MCF2L: variants seen among roughly 807,000 people sequenced by gnomAD.
MCF2L encodes the protein MCF.2 cell line derived transforming sequence like.
In MCF2L, 97 loss-of-function variants were observed where a neutral mutation model predicts 153.4. The ratio of observed to expected loss-of-function variants is 0.63; its 90% CI spans 0.54 to 0.75. The LOEUF (loss-of-function observed/expected upper bound fraction) is 0.75. MCF2L is among the 30% of genes least tolerant of loss of function. MCF2L has a pLI of 0.00. For synonymous variants in MCF2L, 659 were observed against 632.2 expected (o/e 1.04, Z -0.64); for missense variants, 1,347 against 1,495.2 (o/e 0.90, Z 1.64).
chr13:112,960,274 G>A lies in MCF2L; in HGVS notation c.170-54489G>A, dbSNP rs1033454956. On this transcript the variant is annotated intron_variant, in intron 2 of 29. Transcript: ENST00000375608. This position sits in a 1 kb window ranked among gnomAD's most constrained non-coding sequence, Gnocchi z 4.2. ...AGACGGCCTCACCCGGTGAGAGAGC[G>A]GAGAGACCGAGAGGGGGCCAAGCGC... Among the ~76,000 whole-genome samples the A allele has an allele frequency of 6.6e-6, 1 of 152,146 alleles. No individual in the cohort carries two copies. Among genetic ancestry groups the A allele is most frequent in the East Asian group, 1.9e-4 (1 of 5,172 alleles).
chr13:112,968,722 G>C (rs1450970915), upstream of MCF2L: 1 of 1,392,934 alleles, frequency 7.2e-7, no homozygotes, highest in African/African-American at 1.5e-5. Flanking sequence ...GAGGTAAAGG[G>C]AGGCGGCGGC....
chr13:113,085,514 G>A (rs1478526966), intron 20 of MCF2L, among the ~76,000 whole-genome samples: 2 of 152,226 alleles, frequency 1.3e-5, no homozygotes, highest in Non-Finnish European at 2.9e-5. Context: ...GCCTAGACTG[G>A]GGATTCCAGC....
Position 112,903,774 on chromosome 13 carries a change from T to C in MCF2L, c.169+1403T>C, listed in dbSNP as rs916928097. Among the ~76,000 whole-genome samples, 4 of 152,144 alleles carry C rather than the reference T, an allele frequency of 2.6e-5. No individual in the cohort carries two copies. In the South Asian group the frequency reaches 8.3e-4, roughly 32 times the overall value. ...CTCTCACGGACTGAGAACCAGGTGCTCTCATTATTCCCTGGCACACCGCCT... is the reference window on the plus strand; with the variant it reads ...CTCTCACGGACTGAGAACCAGGTGCCCTCATTATTCCCTGGCACACCGCCT... On this transcript the variant is annotated intron_variant, in intron 2 of 29. Transcript: ENST00000375608.
chr13:113,047,842 C>CAGAG (rs1436798916), intron 4 of MCF2L, among the ~76,000 whole-genome samples: 19 of 95,210 alleles, frequency 2.0e-4, no homozygotes, highest in East Asian at 5.0e-4. Context: ...GTGCCCTGTC[C>CAGAG]CCTCTGCTCA....
In MCF2L at chr13:113,074,637, G is replaced by C; in HGVS notation, c.1116+74G>C. 6.3e-7 allele frequency: 1 copy of C among 1,584,020 alleles called. No individual in the cohort carries two copies. Among genetic ancestry groups the C allele is most frequent in the Non-Finnish European group, 8.6e-7 (1 of 1,158,218 alleles). On this transcript the variant is annotated intron_variant, in intron 10 of 29. Transcript: ENST00000535094. This position sits in a 1 kb window ranked among gnomAD's most constrained non-coding sequence, Gnocchi z 4.2. ...TCAAGTGCTGCTCAGGAAGGCGCAG[G>C]AATGGGCCTCCCGCCTACGGAGAAC...
chr13:113,020,064 G>T (rs188592876), intron 2 of MCF2L, among the ~76,000 whole-genome samples: 1 of 152,240 alleles, frequency 6.6e-6, no homozygotes, highest in Non-Finnish European at 1.5e-5. Flanking sequence ...TAGGAGTTCC[G>T]TGTGGCTAAG....
chr13:113,045,247 G>C lies in MCF2L; in HGVS notation c.279-24G>C. 1.3e-6 allele frequency: 2 copies of C among 1,593,264 alleles called. No individual in the cohort carries two copies. Among genetic ancestry groups the C allele is most frequent in the Middle Eastern group, 1.7e-4 (1 of 6,028 alleles). Reference sequence around the variant, plus strand: ...CGGCTTCCCACCTGCACACATTAACGGCGGCGTCTCTTCCTCACTGCAGCC... The same window carrying C: ...CGGCTTCCCACCTGCACACATTAACCGCGGCGTCTCTTCCTCACTGCAGCC... On this transcript the variant is annotated intron_variant, in intron 3 of 29. Coordinates refer to ENST00000535094, the MANE Select transcript of MCF2L (RefSeq NM_001112732.3). The surrounding 1 kb of genome is among the most constrained non-coding windows in gnomAD (Gnocchi z 4.2).
intron 4 of MCF2L, among the ~76,000 whole-genome samples, chr13:113,049,260 T>C (rs374234844): frequency 2.4e-4 from 35 of 146,558 alleles, no homozygotes; most frequent in African/African-American, 8.9e-4. Flanking sequence ...GGGTCACTGG[T>C]CAAGGGAGTG....
At chr13:112,922,426 TCCC>T (rs2081361879) in intron 2 of MCF2L, among the ~76,000 whole-genome samples, 2 of 152,012 alleles carry the variant, frequency 1.3e-5, no homozygotes, top group Non-Finnish European at 2.9e-5. Flanking sequence ...TCAACATTGA[TCCC>T]CAAACCTGGC....
intron 2 of MCF2L, chr13:112,910,244 A>G (rs966584063): frequency 4.6e-5 from 7 of 152,256 alleles, no homozygotes; most frequent in African/African-American, 1.7e-4. Flanking sequence ...GCCAGTCCTT[A>G]TCGATATACT....
chr13:112,916,249 TTC>T (rs2081291227), intron 2 of MCF2L, among the ~76,000 whole-genome samples: 1 of 149,428 alleles, frequency 6.7e-6, no homozygotes, highest in African/African-American at 2.6e-5. Flanking sequence ...TATTTGTCCC[TTC>T]TCTCTTTTTC....
rs113160745 is a variant in MCF2L at position 113,014,541 on chromosome 13, T to C, written c.80-222T>C. Among the ~76,000 whole-genome samples, 215 of 152,316 alleles carry C rather than the reference T, an allele frequency of 1.4e-3. 2 individuals carry two copies. The highest frequency in any genetic ancestry group is 4.6e-3 in the African/African-American group (192 of 41,560). Reference sequence around the variant, plus strand: ...AGTCCCTCTCTCTGAACCTCTTATATCACACTTTCAAAATTGATGGTGAAT... The same window carrying C: ...AGTCCCTCTCTCTGAACCTCTTATACCACACTTTCAAAATTGATGGTGAAT... On this transcript the variant is annotated intron_variant, in intron 1 of 29. Transcript: ENST00000535094.
intron 1 of MCF2L, among the ~76,000 whole-genome samples, chr13:112,994,454 G>A (rs1435286964): frequency 2.0e-5 from 3 of 152,246 alleles, no homozygotes; most frequent in South Asian, 2.1e-4. Flanking sequence ...GGAGGCTGTC[G>A]GTGGGGCAGT....
chr13:112,938,799 C>G, intron 2 of MCF2L, among the ~76,000 whole-genome samples: 1 of 152,152 alleles, frequency 6.6e-6, no homozygotes, highest in South Asian at 2.1e-4. Flanking sequence ...CTCCCACAAC[C>G]ACCGAGGCAG....
At chr13:112,991,247 G>A (rs554870024) in intron 1 of MCF2L, among the ~76,000 whole-genome samples, 2 of 152,090 alleles carry the variant, frequency 1.3e-5, no homozygotes, top group Admixed American at 1.3e-4. Context: ...GACCTGATTC[G>A]CTGTGTTTTG....
intron 2 of MCF2L, among the ~76,000 whole-genome samples, chr13:112,912,717 C>T (rs942283863): frequency 6.6e-5 from 10 of 152,024 alleles, no homozygotes; most frequent in African/African-American, 2.4e-4. Context: ...TATTTTATAT[C>T]CTTCTTTTCT....
chr13:112,973,771 C>T (rs930069836), intron 1 of MCF2L, among the ~76,000 whole-genome samples: 3 of 152,324 alleles, frequency 2.0e-5, no homozygotes, highest in South Asian at 2.1e-4. Context: ...CAGGGAGACC[C>T]GTGGCTCCAG....
intron 2 of MCF2L, among the ~76,000 whole-genome samples, chr13:112,936,252 C>A (rs1227803144): frequency 7.0e-6 from 1 of 142,410 alleles, no homozygotes; most frequent in African/African-American, 2.6e-5. Context: ...TGCACTCCAG[C>A]CTGGGCAACA....
At chr13:112,973,395 T>TA (rs1333259836) in intron 1 of MCF2L, among the ~76,000 whole-genome samples, 1 of 152,212 alleles carries the variant, frequency 6.6e-6, no homozygotes, top group African/African-American at 2.4e-5. Flanking sequence ...CAGAAACATT[T>TA]AAAAAACAAT....
Sources: allele counts gnomAD v4.1 joint callset (sites outside exome capture counted in the v4.1 genomes callset), GRCh38; gene constraint gnomAD v4.1.1; non-coding constraint Gnocchi (gnomAD v3.1); transcripts MANE v1.5; gene names NCBI Gene and HGNC (gene_info 2026-07-23, HGNC 2026-07-21).